The following DNAH14 variants were observed in gnomAD, a reference collection of about 807,000 sequenced individuals.
The protein encoded by DNAH14 is dynein axonemal heavy chain 14.
A neutral mutation model predicts 520.9 loss-of-function variants in DNAH14; 478 were observed. That is an observed-to-expected ratio of 0.92 (90% CI 0.85 to 0.99). The LOEUF (loss-of-function observed/expected upper bound fraction) is 0.99, where lower values mean the gene tolerates loss of function less well. DNAH14 is among the 50% of genes least tolerant of loss of function. The probability of loss-of-function intolerance (pLI) is 0.00; values close to 1 mark genes in which losing one functional copy is unlikely to be tolerated. For synonymous variants in DNAH14, 1,581 were observed against 1,757.2 expected, an observed-to-expected ratio of 0.90 and a Z score of 2.51; for missense variants, 4,831 against 5,234.5, an observed-to-expected ratio of 0.92 and a Z score of 2.38.
At chr1:225,291,500 C>T (rs974158367) in intron 55 of DNAH14, among the ~76,000 whole-genome samples, 1 of 151,910 alleles carries the variant, frequency 6.6e-6, no homozygotes, top group African/African-American at 2.4e-5. Context: ...CACTGAAGCC[C>T]CGACCTCCGA....
rs564136266 is a variant in DNAH14, at chr1:224,941,723, A to G, written c.-33-10947A>G. On this transcript the variant is annotated intron_variant, in intron 1 of 85. Coordinates refer to ENST00000682510, the MANE Select transcript of DNAH14 (RefSeq NM_001367479.1). ...AAGGGATCCAGTTTCAGCTTTCTACATATGGCTAGCCAGTTTTCCCAGCAC... is the reference window on the plus strand; with the variant it reads ...AAGGGATCCAGTTTCAGCTTTCTACGTATGGCTAGCCAGTTTTCCCAGCAC... 2.5e-4 allele frequency among the ~76,000 whole-genome samples: 38 copies of G among 152,332 alleles called. No individual in the cohort carries two copies. The South Asian group carries it at 6.4e-3, about 26-fold the overall frequency.
intron 11 of DNAH14, chr1:225,024,359 A>C: frequency 1.5e-6 from 1 of 662,872 alleles, no homozygotes; most frequent in Non-Finnish European, 1.9e-6. Flanking sequence ...TCTGAAAAAC[A>C]TTTTTACCTT....
intron 20 of DNAH14, 117 bp from the exon 21 acceptor site, chr1:225,085,427 A>C: frequency 1.1e-6 from 1 of 941,026 alleles, no homozygotes; most frequent in Non-Finnish European, 1.6e-6. Context: ...CCTAACTGGA[A>C]TTAGATCTTC....
chr1:225,009,094 C>T (rs1347043206), intron 10 of DNAH14, among the ~76,000 whole-genome samples: 2 of 152,138 alleles, frequency 1.3e-5, no homozygotes, highest in African/African-American at 4.8e-5. Context: ...TTTTGCTGTG[C>T]AGAAGCTCTT....
intron 36 of DNAH14, among the ~76,000 whole-genome samples, chr1:225,174,209 T>C (rs1340695183): frequency 1.3e-5 from 2 of 152,220 alleles, no homozygotes; most frequent in African/African-American, 4.8e-5. Flanking sequence ...CATGTATACT[T>C]TTTTAACTAA....
At chr1:225,314,457 G>A (rs573977885) in intron 60 of DNAH14, among the ~76,000 whole-genome samples, 149 of 152,288 alleles carry the variant, frequency 9.8e-4, no homozygotes, top group African/African-American at 3.3e-3. Flanking sequence ...ATAGTTATGC[G>A]TGAATTTGAT....
intron 37 of DNAH14, among the ~76,000 whole-genome samples, chr1:225,186,704 A>G (rs537166387): frequency 6.6e-6 from 1 of 151,908 alleles, no homozygotes; most frequent in South Asian, 2.1e-4. Context: ...TAGTTTTTCC[A>G]ACCTTGGAAT....
intron 41 of DNAH14, among the ~76,000 whole-genome samples, chr1:225,217,495 C>T (rs946496387): frequency 1.3e-5 from 2 of 152,170 alleles, no homozygotes; most frequent in Non-Finnish European, 2.9e-5. Context: ...GCCCTGCCCC[C>T]AGAGGTGGAA....
chr1:225,031,322 G>A (rs2066507152), intron 11 of DNAH14, among the ~76,000 whole-genome samples: 1 of 151,986 alleles, frequency 6.6e-6, no homozygotes, highest in Non-Finnish European at 1.5e-5. Context: ...ATAGCCCATA[G>A]GCCAAATCCT....
In DNAH14 at chr1:225,346,330, G is replaced by C; in HGVS notation, c.11047G>C (p.Asp3683His). ...PNLENEKNLLDKHIKSAIDML... is the reference protein window; with the variant it reads ...PNLENEKNLLHKHIKSAIDML... ...CCTGGAAAATGAGAAAAATCTCTTA[G>C]ATAAGCATATTAAAAGTGCAATAGA... is the stretch of plus-strand genomic sequence containing the variant. The change falls in exon 70 of 86, where the codon GAT (aspartate) becomes CAT (histidine). Residue 3683 changes from aspartate to histidine, a missense_variant. Asp to His is a moderately conservative substitution (Grantham distance 81). Transcript: ENST00000682510. 6.5e-7 allele frequency: 1 copy of C among 1,539,676 alleles called. No individual in the cohort carries two copies. The highest frequency in any genetic ancestry group is 8.7e-7 in the Non-Finnish European group (1 of 1,143,826).
intron 38 of DNAH14, among the ~76,000 whole-genome samples, chr1:225,203,077 A>G (rs984493206): frequency 1.3e-5 from 2 of 152,118 alleles, no homozygotes; most frequent in African/African-American, 4.8e-5. Context: ...CTGCAGGAGC[A>G]ATCCACTTTC....
At chr1:225,129,672 A>G (rs1355359447) in intron 27 of DNAH14, among the ~76,000 whole-genome samples, 1 of 151,740 alleles carries the variant, frequency 6.6e-6, no homozygotes. Flanking sequence ...TTAATTCAAG[A>G]TGGATTAAAG....
chr1:225,192,657 T>C, intron 37 of DNAH14, 39 bp from the exon 38 acceptor site: 2 of 1,391,758 alleles, frequency 1.4e-6, no homozygotes, highest in South Asian at 1.3e-5. Context: ...AATTGGTCTA[T>C]AGTTAATGTC....
intron 26 of DNAH14, among the ~76,000 whole-genome samples, chr1:225,120,976 A>G (rs937499599): frequency 1.3e-5 from 2 of 152,146 alleles, no homozygotes; most frequent in African/African-American, 4.8e-5. Context: ...TACAACTGAC[A>G]GCATCCTTTT....
intron 77 of DNAH14, among the ~76,000 whole-genome samples, chr1:225,373,136 T>C (rs2095638783): frequency 1.4e-5 from 2 of 143,312 alleles, no homozygotes; most frequent in Non-Finnish European, 3.0e-5. Flanking sequence ...TATTGTCCAA[T>C]TGCGGCACAG....
In DNAH14 at chr1:225,276,044, A is replaced by C. The variant is rs909974047; in HGVS notation, c.8141A>C (p.Asp2714Ala). 1 of 370,060 alleles carries C rather than the reference A, an allele frequency of 2.7e-6. No individual in the cohort carries two copies. The highest frequency in any genetic ancestry group is 2.2e-5 in the African/African-American group (1 of 45,984). The allele number at this position is 370,060 out of a possible 1,614,324, so 22.9% of individuals were successfully genotyped here. A position where few individuals can be genotyped will look rare whatever the true frequency, so the allele number is the denominator to read the frequency against. Residue 2714 changes from aspartate to alanine, a missense_variant, in exon 53 of 86, where the codon GAT becomes GCT. Transcript: ENST00000682510. ...TATAATAAACTTGCCAGTGTACTTGATGAATTCCAAATGAAGTTGGGTTCA... is the reference window on the plus strand; with the variant it reads ...TATAATAAACTTGCCAGTGTACTTGCTGAATTCCAAATGAAGTTGGGTTCA... ...SDYNKLASVLDEFQMKLGSIS... is the reference protein window; with the variant it reads ...SDYNKLASVLAEFQMKLGSIS...
rs35658177 is a variant in DNAH14, at chr1:225,265,923, A to AAT, written c.7410+569_7410+570dup. Reference sequence around the variant, plus strand: ...AGGGGAGAAACTGAGTGTCTTAATAAATATATATATATATATTGACAGTTA... The same window carrying AAT: ...AGGGGAGAAACTGAGTGTCTTAATAAATATATATATATATATATTGACAGTTA... On this transcript the variant is annotated intron_variant, in intron 48 of 85. Coordinates refer to ENST00000682510, the MANE Select transcript of DNAH14 (RefSeq NM_001367479.1). 6.0e-3 allele frequency among the ~76,000 whole-genome samples: 898 copies of AAT among 150,396 alleles called. 4 individuals carry two copies. The highest frequency in any genetic ancestry group is 0.013 in the African/African-American group (551 of 41,152).
intron 23 of DNAH14, among the ~76,000 whole-genome samples, chr1:225,103,696 G>T (rs1030032486): frequency 3.3e-5 from 5 of 152,080 alleles, no homozygotes; most frequent in African/African-American, 1.2e-4. Flanking sequence ...CTGTTTGTCT[G>T]TCATTGGTGT....
chr1:225,006,213 G>A (rs190184152), intron 9 of DNAH14, among the ~76,000 whole-genome samples: 142 of 152,010 alleles, frequency 9.3e-4, no homozygotes, highest in African/African-American at 2.5e-3. Context: ...TGTCATCTTC[G>A]TAAGCTGAGG....
Sources: gnomAD v4.1 joint callset for allele counts (sites outside exome capture counted in the v4.1 genomes callset) on GRCh38, gnomAD v4.1.1 for gene constraint, MANE v1.5 for transcripts, NCBI Gene and HGNC (gene_info 2026-07-23, HGNC 2026-07-21) for gene names.